Variants in SPIRE1 observed in about 807,000 individuals in gnomAD.
The protein encoded by SPIRE1 is protein spire homolog 1.
A neutral mutation model predicts 94.1 loss-of-function variants in SPIRE1; 40 were observed. The observed-to-expected ratio is 0.43, with a 90% CI of 0.33 to 0.55. The LOEUF is 0.55. SPIRE1 is among the 20% of genes least tolerant of loss of function. SPIRE1 has a pLI of 0.06. For synonymous variants in SPIRE1, 376 were observed against 371.7 expected (o/e 1.01, Z -0.13); for missense variants, 838 against 975.2 (o/e 0.86, Z 1.87).
intron 10 of SPIRE1, among the ~76,000 whole-genome samples, chr18:12,469,413 C>T (rs1012364893): frequency 2.0e-5 from 3 of 151,242 alleles, no homozygotes; most frequent in African/African-American, 7.3e-5. Flanking sequence ...CCAGCCTGGT[C>T]TCAAACTCCT....
chr18:12,622,665 G>A (rs998777593), intron 2 of SPIRE1, among the ~76,000 whole-genome samples: 6 of 151,530 alleles, frequency 4.0e-5, no homozygotes, highest in Non-Finnish European at 7.4e-5. Context: ...CTCGTGATCC[G>A]CCCGCCTCAG....
At position 12,635,084 on chromosome 18, in the gene SPIRE1, T is replaced by C. The variant is rs1282484066; in HGVS notation, c.350A>G (p.Tyr117Cys). ...TACCTCTGTTTCCATACATTGTGAA[T>C]ATCCCAATTTACCTGTAATAAAAAT... ...EPPPVAGKLG[Y>C]SQCMETEVIE... is the part of the protein sequence containing the mutation. Residue 117 changes from tyrosine to cysteine, a missense_variant, in exon 2 of 17, where the codon TAT becomes TGT. Tyr to Cys is a radical substitution (Grantham distance 194). Transcript: ENST00000409402. 12 of 1,429,510 alleles carry C rather than the reference T, an allele frequency of 8.4e-6. No individual in the cohort carries two copies. Among genetic ancestry groups the C allele is most frequent in the Non-Finnish European group, 1.1e-5 (12 of 1,044,502 alleles). The allele number at this position is 1,429,510 out of a possible 1,614,324, so 88.6% of individuals were successfully genotyped here.
intron 6 of SPIRE1, among the ~76,000 whole-genome samples, chr18:12,503,950 G>T (rs1362542973): frequency 6.8e-6 from 1 of 146,920 alleles, no homozygotes; most frequent in Non-Finnish European, 1.5e-5. Flanking sequence ...CATCATCACA[G>T]TATTTCTGAG....
rs7226500 is a variant in SPIRE1, at chr18:12,620,477, G to A, written c.372+14585C>T. ...CAACATGGCACTGGCACAATAGAAC[G>A]GAACTGACAGTGCAGAAATAAACCC... On this transcript the variant is annotated intron_variant, in intron 2 of 16. Transcript: ENST00000409402. Among the ~76,000 whole-genome samples, 345 of 152,206 alleles carry A rather than the reference G, an allele frequency of 2.3e-3. 3 individuals carry two copies. The highest frequency in any genetic ancestry group is 7.8e-3 in the African/African-American group (322 of 41,542).
intron 1 of SPIRE1, among the ~76,000 whole-genome samples, chr18:12,641,833 T>A (rs2038094704): frequency 2.3e-5 from 2 of 86,552 alleles, no homozygotes; most frequent in South Asian, 7.0e-4. Context: ...AATGTTATGC[T>A]TTTTTTTTTT....
chr18:12,536,237 G>A (rs2034837975), intron 3 of SPIRE1, among the ~76,000 whole-genome samples: 1 of 152,194 alleles, frequency 6.6e-6, no homozygotes, highest in South Asian at 2.1e-4. Context: ...GACGGATCCA[G>A]TTTTTTAACA....
intron 2 of SPIRE1, among the ~76,000 whole-genome samples, chr18:12,593,780 T>C (rs2036595312): frequency 6.6e-6 from 1 of 151,978 alleles, no homozygotes; most frequent in Non-Finnish European, 1.5e-5. Flanking sequence ...AGAAACCCCA[T>C]CTCTACTAAA....
chr18:12,630,382 A>G (rs2037742625), intron 2 of SPIRE1, among the ~76,000 whole-genome samples: 1 of 152,196 alleles, frequency 6.6e-6, no homozygotes, highest in Non-Finnish European at 1.5e-5. Flanking sequence ...TTTTTATGGC[A>G]GGCACAGTGG....
intron 1 of SPIRE1, among the ~76,000 whole-genome samples, chr18:12,637,932 T>G (rs2037979433): frequency 6.6e-6 from 1 of 152,248 alleles, no homozygotes. Flanking sequence ...CTAAAAATTT[T>G]TGTGAGAATT....
chr18:12,608,970 G>A (rs1241319483), intron 2 of SPIRE1, among the ~76,000 whole-genome samples: 1 of 152,188 alleles, frequency 6.6e-6, no homozygotes, highest in Non-Finnish European at 1.5e-5. Context: ...TCCACAAATG[G>A]GGGTGGGGTG....
chr18:12,585,183 T>G (rs761274662), intron 2 of SPIRE1, among the ~76,000 whole-genome samples: 15 of 152,204 alleles, frequency 9.9e-5, no homozygotes, highest in Non-Finnish European at 2.1e-4. Flanking sequence ...AAGACTGTCT[T>G]AATAATATGA....
At position 12,506,524 on chromosome 18, in the gene SPIRE1, A is replaced by G; in HGVS notation, c.925T>C (p.Leu309=). Residue 309 remains leucine, a synonymous_variant, in exon 6 of 17, where the codon TTA becomes CTA. Transcript: ENST00000409402. ...CTTTTGCAGCGAATGTCATCCATTAACATCTCATAAGGGGTGAGCTGATAT... is the reference window on the plus strand; with the variant it reads ...CTTTTGCAGCGAATGTCATCCATTAGCATCTCATAAGGGGTGAGCTGATAT... ...IEYQLTPYEM[L]MDDIRCKRYT... is the part of the protein sequence containing the mutation. 1 of 1,614,038 alleles carries G rather than the reference A, an allele frequency of 6.2e-7. No homozygotes were observed. The highest frequency in any genetic ancestry group is 8.5e-7 in the Non-Finnish European group (1 of 1,179,968).
At chr18:12,603,170 A>C (rs2036884413) in intron 2 of SPIRE1, among the ~76,000 whole-genome samples, 1 of 152,244 alleles carries the variant, frequency 6.6e-6, no homozygotes, top group African/African-American at 2.4e-5. Context: ...CATTTTATTG[A>C]ATACAACTGA....
chr18:12,576,616 A>G (rs903066563), intron 2 of SPIRE1, among the ~76,000 whole-genome samples: 3 of 146,298 alleles, frequency 2.1e-5, no homozygotes, highest in South Asian at 2.2e-4. Flanking sequence ...AAGACGGGGC[A>G]CAGTGGCTCA....
At chr18:12,627,572 C>T (rs1455603749) in intron 2 of SPIRE1, among the ~76,000 whole-genome samples, 1 of 152,132 alleles carries the variant, frequency 6.6e-6, no homozygotes, top group Non-Finnish European at 1.5e-5. Context: ...TAGGTATATA[C>T]CCAGTAATGG....
Position 12,559,117 on chromosome 18 carries a change from C to T in SPIRE1, c.373-12213G>A, listed in dbSNP as rs182502814. 8.0e-5 allele frequency among the ~76,000 whole-genome samples: 10 copies of T among 124,910 alleles called. No homozygotes were observed. The highest frequency in any genetic ancestry group is 2.5e-4 in the African/African-American group (9 of 35,582). 81.9% of individuals were successfully genotyped at this position (124,910 alleles called of 152,430 possible). On this transcript the variant is annotated intron_variant, in intron 2 of 16. Transcript: ENST00000409402. This position sits in a 1 kb window ranked among gnomAD's most constrained non-coding sequence, Gnocchi z 4.7. ...CCCTTGGGCGGTAGATGGGACCAGG[C>T]ACCTTGGAGCAGGGGGAGGCGCCCC... is the stretch of plus-strand genomic sequence containing the variant.
chr18:12,548,727 C>G (rs868772864), intron 2 of SPIRE1, among the ~76,000 whole-genome samples: 1 of 151,862 alleles, frequency 6.6e-6, no homozygotes, highest in African/African-American at 2.4e-5. Flanking sequence ...ATCCTCCCAC[C>G]TTAGCCTCCC....
intron 1 of SPIRE1, among the ~76,000 whole-genome samples, chr18:12,638,513 C>T (rs998986172): frequency 5.9e-5 from 9 of 152,176 alleles, no homozygotes; most frequent in South Asian, 2.1e-4. Context: ...ATGAGTTGCA[C>T]ATAATGACAC....
At chr18:12,461,465 C>A (rs1384724664) in intron 12 of SPIRE1, among the ~76,000 whole-genome samples, 1 of 148,730 alleles carries the variant, frequency 6.7e-6, no homozygotes, top group Non-Finnish European at 1.5e-5. Flanking sequence ...TATGTATGTA[C>A]ATATGTACGT....
Sources: gnomAD v4.1 joint callset for allele counts (sites outside exome capture counted in the v4.1 genomes callset) on GRCh38, gnomAD v4.1.1 for gene constraint, Gnocchi (gnomAD v3.1) non-coding constraint, MANE v1.5 for transcripts, NCBI Gene and HGNC (gene_info 2026-07-23, HGNC 2026-07-21) for gene names.